The following ELP4 variants were observed in gnomAD, a reference collection of about 807,000 sequenced individuals.
ELP4 encodes elongator complex protein 4.
Under a neutral mutation model 48.9 loss-of-function variants are expected in ELP4, and 51 were observed. The ratio of observed to expected loss-of-function variants is 1.04; its 90% CI spans 0.83 to 1.32. The LOEUF is 1.32. ELP4 is among the 40% of genes most tolerant of loss of function. The pLI is 0.00. For synonymous variants in ELP4, 210 were observed against 189.2 expected (o/e 1.11, Z -0.90); for missense variants, 519 against 514.6 (o/e 1.01, Z -0.08).
At chr11:31,587,322 A>G (rs1436536383) in intron 3 of ELP4, among the ~76,000 whole-genome samples, 2 of 152,236 alleles carry the variant, frequency 1.3e-5, no homozygotes, top group Non-Finnish European at 2.9e-5. Flanking sequence ...ACTAGAATGT[A>G]AAACGTTATA....
At chr11:31,555,947 A>G (rs1956924414) in intron 3 of ELP4, among the ~76,000 whole-genome samples, 1 of 151,918 alleles carries the variant, frequency 6.6e-6, no homozygotes, top group African/African-American at 2.4e-5. Context: ...GTTTGGTTTT[A>G]ATTTTATGAT....
chr11:31,515,666 C>T (rs745598869), intron 1 of ELP4, among the ~76,000 whole-genome samples: 3 of 151,368 alleles, frequency 2.0e-5, no homozygotes, highest in Non-Finnish European at 4.4e-5. Flanking sequence ...CCTGTCCCCA[C>T]CCCCCACAAA....
intron 5 of ELP4, among the ~76,000 whole-genome samples, chr11:31,614,681 A>G (rs1300725086): frequency 1.3e-5 from 2 of 152,182 alleles, no homozygotes; most frequent in Admixed American, 6.6e-5. Flanking sequence ...AAAAGCATGT[A>G]TCACCAGATA....
At chr11:31,582,731 T>C (rs937663300) in intron 3 of ELP4, among the ~76,000 whole-genome samples, 1 of 152,210 alleles carries the variant, frequency 6.6e-6, no homozygotes, top group African/African-American at 2.4e-5. Flanking sequence ...GTAGGTTTAC[T>C]GTGAGCTTAT....
intron 9 of ELP4, among the ~76,000 whole-genome samples, chr11:31,661,344 A>G (rs1273405627): frequency 6.6e-6 from 1 of 152,098 alleles, no homozygotes; most frequent in African/African-American, 2.4e-5. Context: ...TCATGAAGTA[A>G]GTATCCAAGA....
intron 3 of ELP4, among the ~76,000 whole-genome samples, chr11:31,572,245 CT>C (rs1333755541): frequency 6.6e-6 from 1 of 152,186 alleles, no homozygotes; most frequent in African/African-American, 2.4e-5. Flanking sequence ...GAGAAGGCTT[CT>C]TTTCTGAAAT....
chr11:31,651,457 A>T (rs1250466440), intron 9 of ELP4: 1 of 151,762 alleles, frequency 6.6e-6, no homozygotes, highest in East Asian at 1.9e-4. Flanking sequence ...AGCCACTTAA[A>T]GCCAAAAGAG....
At chr11:31,690,843 C>A (rs1235177546) in intron 9 of ELP4, among the ~76,000 whole-genome samples, 1 of 91,668 alleles carries the variant, frequency 1.1e-5, no homozygotes, top group African/African-American at 4.1e-5. Context: ...CAAATCATGT[C>A]TTTTCTTATT....
intron 9 of ELP4, among the ~76,000 whole-genome samples, chr11:31,683,593 G>A (rs1351482777): frequency 2.6e-5 from 4 of 151,848 alleles, no homozygotes; most frequent in Non-Finnish European, 5.9e-5. Context: ...CAAGGCCATG[G>A]GCATTTTAAG....
chr11:31,513,026 G>C (rs1439234261), intron 1 of ELP4, among the ~76,000 whole-genome samples: 1 of 151,914 alleles, frequency 6.6e-6, no homozygotes. Flanking sequence ...CCTGAAAGAA[G>C]CTTAATGGTA....
At chr11:31,617,820 A>G (rs1283723759) in intron 5 of ELP4, among the ~76,000 whole-genome samples, 5 of 151,958 alleles carry the variant, frequency 3.3e-5, no homozygotes, top group Non-Finnish European at 7.4e-5. Context: ...TCAGATAATA[A>G]CAAGTGTTGA....
At chr11:31,767,766 C>G (rs1207860429) in intron 9 of ELP4, 2 of 152,010 alleles carry the variant, frequency 1.3e-5, no homozygotes, top group African/African-American at 4.8e-5. Flanking sequence ...GCTTACTTCC[C>G]TCTGTGAAGT....
chr11:31,776,926 TCAG>T (rs1948259545), intron 9 of ELP4, among the ~76,000 whole-genome samples: 1 of 152,174 alleles, frequency 6.6e-6, no homozygotes, highest in Non-Finnish European at 1.5e-5. Context: ...CCAGAAATAT[TCAG>T]CTGCTACCAA....
At chr11:31,548,173 T>A (rs913606755) in intron 3 of ELP4, among the ~76,000 whole-genome samples, 2 of 152,104 alleles carry the variant, frequency 1.3e-5, no homozygotes, top group African/African-American at 2.4e-5. Flanking sequence ...GGGTATTCAA[T>A]TAGGAAAAGA....
At chr11:31,719,296 T>C (rs907320029) in intron 9 of ELP4, among the ~76,000 whole-genome samples, 1 of 151,806 alleles carries the variant, frequency 6.6e-6, no homozygotes, top group Admixed American at 6.6e-5. Context: ...AATCTGTACC[T>C]GTAAATAGGC....
In ELP4 at chr11:31,790,210, A is replaced by G. The variant is rs1949424330; in HGVS notation, c.*6686A>G. The G allele has an allele frequency of 1.8e-6, 1 of 566,022 alleles. No individual in the cohort carries two copies. The highest frequency in any genetic ancestry group is 1.9e-5 in the African/African-American group (1 of 52,774). The allele number at this position is 566,022 out of a possible 1,614,324, so 35.1% of individuals were successfully genotyped here. ...CCTTCAGAAACTAGACAATATATGT[A>G]TATATACCTATTGGATCCCAAGTAC... On this transcript the variant is annotated 3_prime_UTR_variant, in exon 10 of 10. Coordinates refer to ENST00000640961, the MANE Select transcript of ELP4 (RefSeq NM_019040.5).
rs541260494 is a variant in ELP4 at position 31,789,963 on chromosome 11, T to C, written c.*6439T>C. The C allele has an allele frequency of 2.6e-6, 4 of 1,511,158 alleles. No homozygotes were observed. The highest frequency in any genetic ancestry group is 4.5e-5 in the East Asian group (2 of 44,184). The allele number at this position is 1,511,158 out of a possible 1,614,324, so 93.6% of individuals were successfully genotyped here. On this transcript the variant is annotated 3_prime_UTR_variant, in exon 10 of 10. Coordinates refer to ENST00000640961, the MANE Select transcript of ELP4 (RefSeq NM_019040.5). ...TGTAATCTTGGCCAGTATTGAGACA[T>C]ATCAGGTTCACTTCCGGGAACTTGA...
intron 9 of ELP4, chr11:31,707,222 A>G: frequency 2.6e-6 from 1 of 379,398 alleles, no homozygotes; most frequent in Non-Finnish European, 4.7e-6. Context: ...AATATTTAAT[A>G]CCAGATATAT....
chr11:31,747,532 G>C (rs1947623757), intron 9 of ELP4, among the ~76,000 whole-genome samples: 1 of 152,206 alleles, frequency 6.6e-6, no homozygotes, highest in Non-Finnish European at 1.5e-5. Context: ...ATACATTTGA[G>C]ATACTCACAA....
Sources: allele counts gnomAD v4.1 joint callset (sites outside exome capture counted in the v4.1 genomes callset), GRCh38; gene constraint gnomAD v4.1.1; transcripts MANE v1.5; gene names NCBI Gene and HGNC (gene_info 2026-07-23, HGNC 2026-07-21).